SYN3: variants seen among roughly 807,000 people sequenced by gnomAD.
SYN3 encodes synapsin-3.
Under a neutral mutation model 65.8 loss-of-function variants are expected in SYN3, and 35 were observed. That is an observed-to-expected ratio of 0.53 (90% CI 0.41 to 0.70). SYN3 has a LOEUF of 0.70. SYN3 is among the 30% of genes least tolerant of loss of function. The pLI, the probability that SYN3 is intolerant of heterozygous loss-of-function variation, is 0.00. For synonymous variants in SYN3, 270 were observed against 292.9 expected (o/e 0.92, Z 0.80); for missense variants, 680 against 749.0 (o/e 0.91, Z 1.08).
At chr22:32,958,717 C>A (rs1394803254) in intron 3 of SYN3, among the ~76,000 whole-genome samples, 2 of 152,122 alleles carry the variant, frequency 1.3e-5, no homozygotes, top group African/African-American at 4.8e-5. Flanking sequence ...TAGAAAGGGG[C>A]ACCGAGGCAT....
At chr22:33,054,158 C>T (rs2054217607) in intron 1 of SYN3, among the ~76,000 whole-genome samples, 1 of 152,196 alleles carries the variant, frequency 6.6e-6, no homozygotes, top group African/African-American at 2.4e-5. Flanking sequence ...CTCTCTCACA[C>T]TCGAACTCAT....
At chr22:32,541,776 C>G (rs889335164) in intron 7 of SYN3, 63 bp from the exon 8 acceptor site, 6 of 1,562,470 alleles carry the variant, frequency 3.8e-6, no homozygotes, top group Middle Eastern at 1.7e-4. Flanking sequence ...CCACCCTATG[C>G]CAGGAACAAG....
intron 4 of SYN3, among the ~76,000 whole-genome samples, chr22:32,925,095 G>GAA (rs147031555): frequency 1.3e-5 from 2 of 148,252 alleles, no homozygotes; most frequent in African/African-American, 4.9e-5. Flanking sequence ...CTGTCTCAAG[G>GAA]AAAAAAAAAA....
At chr22:32,730,920 C>G (rs995022283) in intron 6 of SYN3, among the ~76,000 whole-genome samples, 7 of 152,140 alleles carry the variant, frequency 4.6e-5, no homozygotes, top group Non-Finnish European at 8.8e-5. Flanking sequence ...CATTCTGTCA[C>G]CCTGTATGTG....
intron 3 of SYN3, among the ~76,000 whole-genome samples, chr22:32,935,703 C>T (rs969098551): frequency 1.8e-4 from 27 of 152,226 alleles, no homozygotes; most frequent in Admixed American, 5.2e-4. Flanking sequence ...CCACCCGCCT[C>T]AGCTTCCCAA....
At chr22:32,740,953 T>G (rs976856380) in intron 6 of SYN3, among the ~76,000 whole-genome samples, 4 of 152,020 alleles carry the variant, frequency 2.6e-5, no homozygotes, top group Non-Finnish European at 4.4e-5. Context: ...CGCAGTCCCG[T>G]GGGGGCTGCA....
At chr22:32,593,509 C>A (rs1381920196) in intron 7 of SYN3, among the ~76,000 whole-genome samples, 1 of 152,044 alleles carries the variant, frequency 6.6e-6, no homozygotes, top group Non-Finnish European at 1.5e-5. Context: ...ACCATTTGGA[C>A]ATGGAGGAGG....
At chr22:32,857,281 G>A (rs2048397100) in intron 6 of SYN3, 5 of 1,614,098 alleles carry the variant, frequency 3.1e-6, no homozygotes, top group Non-Finnish European at 4.2e-6. Flanking sequence ...TGCCCCATGT[G>A]CAGTACATCC....
In SYN3 at chr22:32,508,545, CCCATT is replaced by C. The variant is rs1022892391; in HGVS notation, c.*5142_*5146del. Reference sequence around the variant, plus strand: ...GTCTCATGTTCTCATTCTGCCTCCTCCCATTCCTCTTCAGATTCAGTTTGGAAGAG... The same window carrying C: ...GTCTCATGTTCTCATTCTGCCTCCTCCCTCTTCAGATTCAGTTTGGAAGAG... On this transcript the variant is annotated 3_prime_UTR_variant, in exon 14 of 14. Transcript: ENST00000358763. Among the ~76,000 whole-genome samples the C allele has an allele frequency of 3.4e-4, 52 of 152,264 alleles. No individual in the cohort carries two copies. Among genetic ancestry groups the C allele is most frequent in the Non-Finnish European group, 2.8e-4 (19 of 68,020 alleles).
intron 6 of SYN3, among the ~76,000 whole-genome samples, chr22:32,599,949 T>C (rs1221149284): frequency 3.3e-5 from 5 of 152,092 alleles, no homozygotes; most frequent in African/African-American, 1.2e-4. Context: ...CGCGGTCATG[T>C]GCAAGTCTCC....
intron 6 of SYN3, among the ~76,000 whole-genome samples, chr22:32,763,939 C>G (rs1223137069): frequency 2.0e-5 from 3 of 149,140 alleles, no homozygotes. Flanking sequence ...AGAAGCCCCC[C>G]CCCCCTTTTT....
At chr22:33,005,590 T>C (rs1055331002) in intron 2 of SYN3, among the ~76,000 whole-genome samples, 5 of 152,156 alleles carry the variant, frequency 3.3e-5, no homozygotes, top group Non-Finnish European at 7.4e-5. Flanking sequence ...AGGTATCAGG[T>C]CTCTGCCACT....
Position 32,541,673 on chromosome 22 carries a change from C to T in SYN3, c.815G>A (p.Ser272Asn), listed in dbSNP as rs1031636656. The T allele has an allele frequency of 6.8e-6, 11 of 1,613,996 alleles. No homozygotes were observed. Among genetic ancestry groups the T allele is most frequent in the Non-Finnish European group, 8.5e-6 (10 of 1,180,032 alleles). ...GTAGGTTTTGGCCATGGCGACCACGCTGGTGATGTCCTGGAAGTCAAGCTG... is the reference window on the plus strand; with the variant it reads ...GTAGGTTTTGGCCATGGCGACCACGTTGGTGATGTCCTGGAAGTCAAGCTG... Reference protein sequence around the residue: ...ENQLDFQDITSVVAMAKTYAT... With the variant: ...ENQLDFQDITNVVAMAKTYAT... The change falls in exon 8 of 14, where the codon AGC becomes AAC. Residue 272 changes from serine (S) to asparagine (N), a missense_variant. Physicochemically the swap from Ser to Asn is conservative, Grantham distance 46 (BLOSUM62 1). Coordinates refer to ENST00000358763, the MANE Select transcript of SYN3 (RefSeq NM_003490.4).
intron 4 of SYN3, among the ~76,000 whole-genome samples, chr22:32,890,689 CA>C (rs1187528157): frequency 1.3e-5 from 2 of 152,140 alleles, no homozygotes; most frequent in East Asian, 1.9e-4. Flanking sequence ...CGATTTAGCA[CA>C]TTTTTAACCT....
At chr22:32,688,915 T>G (rs1159745325) in intron 6 of SYN3, among the ~76,000 whole-genome samples, 1 of 152,170 alleles carries the variant, frequency 6.6e-6, no homozygotes, top group Non-Finnish European at 1.5e-5. Context: ...AAGCCAGGTT[T>G]GAATGCTTGC....
At chr22:32,710,532 C>T (rs1431821969) in intron 6 of SYN3, among the ~76,000 whole-genome samples, 2 of 150,868 alleles carry the variant, frequency 1.3e-5, no homozygotes, top group Admixed American at 1.3e-4. Flanking sequence ...ACTTGGGAGG[C>T]TGAGGCGGGA....
intron 6 of SYN3, among the ~76,000 whole-genome samples, chr22:32,689,817 C>T (rs2060638920): frequency 6.6e-6 from 1 of 152,012 alleles, no homozygotes; most frequent in South Asian, 2.1e-4. Flanking sequence ...GGAGATGGGG[C>T]CTTTGGGAAG....
intron 3 of SYN3, among the ~76,000 whole-genome samples, chr22:32,935,448 AT>A (rs137556): frequency 0.33 from 40,932 of 123,838 alleles, 5,456 homozygotes; most frequent in African/African-American, 0.42. Context: ...TTGGTATGGT[AT>A]TTTTTTTTTT....
intron 6 of SYN3, among the ~76,000 whole-genome samples, chr22:32,794,534 A>G (rs2046387694): frequency 6.6e-6 from 1 of 152,150 alleles, no homozygotes; most frequent in Non-Finnish European, 1.5e-5. Flanking sequence ...TCTCCACTCC[A>G]TTCATTGGTT....
Sources: gnomAD v4.1 joint callset for allele counts (sites outside exome capture counted in the v4.1 genomes callset) on GRCh38, gnomAD v4.1.1 for gene constraint, MANE v1.5 for transcripts, NCBI Gene and HGNC (gene_info 2026-07-23, HGNC 2026-07-21) for gene names.